SORCS2: variants seen among roughly 807,000 people sequenced by gnomAD.
SORCS2 encodes the protein sortilin related VPS10 domain containing receptor 2.
Under a neutral mutation model 141.6 loss-of-function variants are expected in SORCS2, and 100 were observed. The ratio of observed to expected loss-of-function variants is 0.71; its 90% confidence interval spans 0.60 to 0.83. The LOEUF is 0.83. Ranked by LOEUF, SORCS2 falls within the 40% of genes least tolerant of loss-of-function variation. The pLI is 0.00. For missense variants in SORCS2, 1,646 were observed against 1,560.2 expected, an observed-to-expected ratio of 1.05 and a Z score of -0.93; for synonymous variants, 789 against 676.9, an observed-to-expected ratio of 1.17 and a Z score of -2.57.
chr4:7,444,347 G>C (rs1451096104), intron 2 of SORCS2, among the ~76,000 whole-genome samples: 1 of 152,194 alleles, frequency 6.6e-6, no homozygotes, highest in Non-Finnish European at 1.5e-5. Context: ...GAGAGGTGGA[G>C]ACATTGTATA....
intron 3 of SORCS2, among the ~76,000 whole-genome samples, chr4:7,633,198 G>A (rs564089702): frequency 6.6e-6 from 1 of 152,278 alleles, no homozygotes; most frequent in East Asian, 1.9e-4. Flanking sequence ...CCACCCAGAG[G>A]GAACAGTACA....
chr4:7,696,204 A>G (rs775788700), intron 11 of SORCS2, among the ~76,000 whole-genome samples: 1 of 152,168 alleles, frequency 6.6e-6, no homozygotes, highest in Non-Finnish European at 1.5e-5. Flanking sequence ...TCAAAGGGCA[A>G]ATGATATACA....
chr4:7,198,307 C>T (rs184407736), intron 1 of SORCS2, among the ~76,000 whole-genome samples: 205 of 152,294 alleles, frequency 1.3e-3, no homozygotes, highest in African/African-American at 4.6e-3. Flanking sequence ...CTTAAATGAA[C>T]GGGTTCAAAT....
intron 3 of SORCS2, among the ~76,000 whole-genome samples, chr4:7,598,842 A>G (rs779167231): frequency 3.3e-5 from 5 of 152,172 alleles, no homozygotes; most frequent in Non-Finnish European, 5.9e-5. Context: ...TCTCCCCCCC[A>G]GGCTGTGCTC....
At chr4:7,610,301 G>T (rs1718323799) in intron 3 of SORCS2, among the ~76,000 whole-genome samples, 1 of 152,158 alleles carries the variant, frequency 6.6e-6, no homozygotes, top group Non-Finnish European at 1.5e-5. Flanking sequence ...GTGTCAAGTT[G>T]CCAGTTAAAT....
Position 7,734,374 on chromosome 4 carries a change from G to T in SORCS2, c.3311G>T (p.Arg1104Met). The change falls in exon 25 of 27, where the codon AGG becomes ATG. Residue 1104 changes from arginine (R) to methionine (M), a missense_variant and splice_region_variant. Coordinates refer to ENST00000507866, the MANE Select transcript of SORCS2 (RefSeq NM_020777.3). The part of the protein sequence containing the change: ...AGAFILYKFK[R>M]KRPGRTVYAQ... Reference sequence around the variant, plus strand: ...GCCTTCATCCTCTACAAGTTCAAAAGGCAAGGCCCTTGGCTGCCCTCCTCT... The same window carrying T: ...GCCTTCATCCTCTACAAGTTCAAAATGCAAGGCCCTTGGCTGCCCTCCTCT... The T allele has an allele frequency of 6.5e-7, 1 of 1,538,408 alleles. No individual in the cohort carries two copies. Among genetic ancestry groups the T allele is most frequent in the Non-Finnish European group, 8.8e-7 (1 of 1,139,582 alleles).
At chr4:7,682,955 A>G in intron 10 of SORCS2, 66 bp downstream of exon 10, 1 of 1,555,402 alleles carries the variant, frequency 6.4e-7, no homozygotes, top group Non-Finnish European at 8.7e-7. Flanking sequence ...TTCAGTAATC[A>G]AGAAGGTCAG....
intron 26 of SORCS2, 160 bp downstream of exon 26, chr4:7,737,332 C>T (rs542369559): frequency 1.0e-6 from 1 of 958,578 alleles, no homozygotes; most frequent in Non-Finnish European, 1.5e-6. Context: ...CCACTGTGTC[C>T]CCTCCATCTG....
intron 1 of SORCS2, among the ~76,000 whole-genome samples, chr4:7,385,612 C>T (rs917317822): frequency 3.3e-5 from 5 of 152,194 alleles, no homozygotes; most frequent in East Asian, 1.9e-4. Flanking sequence ...TGGGGTCTGA[C>T]GCCCTGCCCC....
intron 8 of SORCS2, among the ~76,000 whole-genome samples, chr4:7,673,468 T>C (rs1446069568): frequency 6.6e-6 from 1 of 152,160 alleles, no homozygotes; most frequent in Non-Finnish European, 1.5e-5. Flanking sequence ...TATCATGCAG[T>C]CATTAAAAGT....
intron 1 of SORCS2, among the ~76,000 whole-genome samples, chr4:7,394,621 C>G (rs1473055425): frequency 6.6e-6 from 1 of 151,744 alleles, no homozygotes; most frequent in Non-Finnish European, 1.5e-5. Context: ...GGACTCTCCC[C>G]TCGAGGGAGG....
chr4:7,315,565 A>C (rs1394027509), intron 1 of SORCS2, among the ~76,000 whole-genome samples: 2 of 152,190 alleles, frequency 1.3e-5, no homozygotes, highest in Admixed American at 6.5e-5. Flanking sequence ...GAACGTGAGG[A>C]CTTTGCTGTG....
chr4:7,377,357 G>A (rs199732680), intron 1 of SORCS2, among the ~76,000 whole-genome samples: 1 of 14,772 alleles, frequency 6.8e-5, no homozygotes, highest in East Asian at 0.05. Flanking sequence ...GGGCTGTGAC[G>A]GGGGGGACAG....
chr4:7,365,458 C>G lies in SORCS2; in HGVS notation c.481-30830C>G, dbSNP rs190062635. On this transcript the variant is annotated intron_variant, in intron 1 of 26. Coordinates refer to ENST00000507866, the MANE Select transcript of SORCS2 (RefSeq NM_020777.3). ...TGGGGAGCTGGGACAAGAGCCTGGT[C>G]TGGGGTGTCCACCAGAGCTGTCGAG... is the stretch of plus-strand genomic sequence containing the variant. Among the ~76,000 whole-genome samples, 544 of 152,234 alleles carry G rather than the reference C, an allele frequency of 3.6e-3. 2 individuals are homozygous for G. Among genetic ancestry groups the G allele is most frequent in the African/African-American group, 0.012 (510 of 41,542 alleles).
intron 1 of SORCS2, among the ~76,000 whole-genome samples, chr4:7,251,796 C>A (rs187757744): frequency 6.6e-6 from 1 of 152,060 alleles, no homozygotes; most frequent in Non-Finnish European, 1.5e-5. Context: ...TCTTGTTGGT[C>A]GCAGCTGGAT....
At position 7,211,318 on chromosome 4, in the gene SORCS2, C is replaced by T. The variant is rs181138174; in HGVS notation, c.480+18192C>T. ...AAGAAGAGCCAGGAGGGAGCGTCCA[C>T]GACGGGGGGCAGGCCATGGCGCTGG... is the stretch of plus-strand genomic sequence containing the variant. On this transcript the variant is annotated intron_variant, in intron 1 of 26. Coordinates refer to ENST00000507866, the MANE Select transcript of SORCS2 (RefSeq NM_020777.3). Among the ~76,000 whole-genome samples, 142 of 152,210 alleles carry T rather than the reference C, an allele frequency of 9.3e-4. 1 individual carries two copies. Among genetic ancestry groups the T allele is most frequent in the African/African-American group, 3.2e-3 (132 of 41,514 alleles).
chr4:7,511,321 C>G (rs1302139214), intron 2 of SORCS2, among the ~76,000 whole-genome samples: 1 of 147,752 alleles, frequency 6.8e-6, no homozygotes, highest in Admixed American at 6.9e-5. Context: ...GGGAGACACA[C>G]ACAAATACAC....
chr4:7,300,108 C>T (rs1717338165), intron 1 of SORCS2, among the ~76,000 whole-genome samples: 1 of 152,190 alleles, frequency 6.6e-6, no homozygotes, highest in Admixed American at 6.5e-5. Flanking sequence ...GGAGGTGGAA[C>T]AGGCATCGTC....
intron 2 of SORCS2, among the ~76,000 whole-genome samples, chr4:7,469,778 C>T (rs1162949610): frequency 1.3e-5 from 2 of 152,236 alleles, no homozygotes; most frequent in African/African-American, 4.8e-5. Context: ...CTGAGAACCC[C>T]TGCAAAGAAT....
Sources: gnomAD v4.1 joint callset for allele counts (sites outside exome capture counted in the v4.1 genomes callset) on GRCh38, gnomAD v4.1.1 for gene constraint, MANE v1.5 for transcripts, NCBI Gene and HGNC (gene_info 2026-07-23, HGNC 2026-07-21) for gene names.